Variants in ESR1 observed in about 807,000 individuals in gnomAD.
The protein encoded by ESR1 is estrogen receptor.
A neutral mutation model predicts 52.7 loss-of-function variants in ESR1; 12 were observed. The ratio of observed to expected loss-of-function variants is 0.23; its 90% CI spans 0.15 to 0.37. The LOEUF (loss-of-function observed/expected upper bound fraction) is 0.37, where lower values mean the gene tolerates loss of function less well. Ranked by LOEUF, ESR1 falls within the 10% of genes least tolerant of loss-of-function variation. The probability of loss-of-function intolerance (pLI) is 1.00; values close to 1 mark genes in which losing one functional copy is unlikely to be tolerated. For synonymous variants in ESR1, 305 were observed against 316.8 expected (o/e 0.96, Z 0.39); for missense variants, 584 against 779.7 (o/e 0.75, Z 2.99).
At chr6:152,123,650 C>T (rs902693577) in intron 6 of ESR1, among the ~76,000 whole-genome samples, 9 of 152,060 alleles carry the variant, frequency 5.9e-5, no homozygotes, top group Admixed American at 3.3e-4. Context: ...ATGTTGTTTA[C>T]GACAGGCATT....
chr6:152,049,395 G>A, intron 5 of ESR1, among the ~76,000 whole-genome samples: 1 of 152,294 alleles, frequency 6.6e-6, no homozygotes, highest in East Asian at 1.9e-4. Flanking sequence ...TGTGAAAAAA[G>A]TAAATAGCAA....
intron 2 of ESR1, among the ~76,000 whole-genome samples, chr6:151,756,864 C>T (rs973782121): frequency 6.6e-6 from 1 of 152,100 alleles, no homozygotes; most frequent in African/African-American, 2.4e-5. Flanking sequence ...GTGGTGCATG[C>T]CTGTAATCCC....
chr6:151,925,144 G>GTTTGTTTT (rs1554285747), intron 3 of ESR1, among the ~76,000 whole-genome samples: 2 of 106,520 alleles, frequency 1.9e-5, no homozygotes. Flanking sequence ...TTGTTTGTTT[G>GTTTGTTTT]TTTTTTTAGT....
chr6:151,983,143 T>A (rs1185230984), intron 4 of ESR1, among the ~76,000 whole-genome samples: 1 of 152,090 alleles, frequency 6.6e-6, no homozygotes, highest in Non-Finnish European at 1.5e-5. Context: ...AGCTTTAGAA[T>A]GACAGTTCAG....
chr6:151,671,611 T>C (rs1053805937), intron 1 of ESR1, among the ~76,000 whole-genome samples: 11 of 152,196 alleles, frequency 7.2e-5, no homozygotes, highest in Admixed American at 5.2e-4. Context: ...TGGAGACCTA[T>C]TGTGCAGCAT....
chr6:151,659,604 G>T (rs1363717324), intron 1 of ESR1, among the ~76,000 whole-genome samples: 2 of 152,140 alleles, frequency 1.3e-5, no homozygotes, highest in African/African-American at 2.4e-5. Flanking sequence ...ATGAAAGAAG[G>T]TTCCACTCCC....
At chr6:152,081,004 A>C (rs985443179) in intron 6 of ESR1, among the ~76,000 whole-genome samples, 7 of 152,114 alleles carry the variant, frequency 4.6e-5, no homozygotes, top group Non-Finnish European at 7.3e-5. Context: ...AGAGACATAG[A>C]CTCCCACACA....
intron 2 of ESR1, among the ~76,000 whole-genome samples, chr6:151,774,665 A>C (rs777349531): frequency 6.6e-6 from 1 of 152,230 alleles, no homozygotes; most frequent in Non-Finnish European, 1.5e-5. Flanking sequence ...TAGATAGTCT[A>C]TATTAAGGGA....
rs34553218 is a variant in ESR1 at position 151,749,192 on chromosome 6, C to CA, written c.-71+47203dup. ...TTGGGAAATTGCTTTTGGGAAAAGACAAAAAAAAAAAAAAAAGCTTGTGGA... is the reference window on the plus strand; with the variant it reads ...TTGGGAAATTGCTTTTGGGAAAAGACAAAAAAAAAAAAAAAAAGCTTGTGGA... On this transcript the variant is annotated intron_variant, in intron 2 of 2. Coordinates refer to the ESR1 transcript ENST00000404742. Among the ~76,000 whole-genome samples, 383 of 117,518 alleles carry CA rather than the reference C, an allele frequency of 3.3e-3. 3 individuals are homozygous for CA. In the East Asian group the frequency reaches 0.033, roughly 10 times the overall value. The allele number at this position is 117,518 out of a possible 152,430, so 77.1% of individuals were successfully genotyped here.
chr6:152,045,108 C>G (rs931002161), intron 5 of ESR1, among the ~76,000 whole-genome samples: 9 of 152,156 alleles, frequency 5.9e-5, no homozygotes, highest in Non-Finnish European at 5.9e-5. Context: ...CATGTTAACT[C>G]AGTCTTAATC....
chr6:151,879,178 A>G (rs1365211937), intron 2 of ESR1, among the ~76,000 whole-genome samples: 1 of 152,172 alleles, frequency 6.6e-6, no homozygotes, highest in Non-Finnish European at 1.5e-5. Context: ...GGCAGAAGGA[A>G]CTGGGGTGTT....
chr6:151,988,918 G>A (rs1439733448), intron 4 of ESR1, among the ~76,000 whole-genome samples: 1 of 152,018 alleles, frequency 6.6e-6, no homozygotes, highest in Non-Finnish European at 1.5e-5. Flanking sequence ...ACAAAACTGA[G>A]GACTTGGATG....
chr6:151,958,300 T>A (rs187902004), intron 4 of ESR1, among the ~76,000 whole-genome samples: 1 of 146,016 alleles, frequency 6.8e-6, no homozygotes, highest in Non-Finnish European at 1.5e-5. Context: ...AAATTCACAC[T>A]AAGGCTCTTT....
chr6:151,723,405 C>G (rs928773076), intron 2 of ESR1, among the ~76,000 whole-genome samples: 3 of 152,214 alleles, frequency 2.0e-5, no homozygotes, highest in Non-Finnish European at 2.9e-5. Context: ...CATCTTGAGG[C>G]AGAAGGGGTT....
At chr6:151,917,623 C>T (rs1428109389) in intron 3 of ESR1, among the ~76,000 whole-genome samples, 7 of 152,068 alleles carry the variant, frequency 4.6e-5, no homozygotes, top group South Asian at 4.2e-4. Context: ...TTCTGTTGCT[C>T]GGATAAGTTA....
intron 3 of ESR1, among the ~76,000 whole-genome samples, chr6:151,943,867 C>T (rs2035399030): frequency 6.6e-6 from 1 of 152,162 alleles, no homozygotes; most frequent in East Asian, 1.9e-4. Flanking sequence ...GCCTACTGTT[C>T]AATTTTCAGG....
chr6:151,850,993 A>G (rs965349677), intron 2 of ESR1, among the ~76,000 whole-genome samples: 1 of 152,170 alleles, frequency 6.6e-6, no homozygotes, highest in Admixed American at 6.5e-5. Context: ...GTGGTCATAA[A>G]GCAAATCACT....
chr6:151,869,206 C>T (rs1052395174), intron 2 of ESR1, among the ~76,000 whole-genome samples: 8 of 152,034 alleles, frequency 5.3e-5, no homozygotes, highest in Non-Finnish European at 5.9e-5. Flanking sequence ...ACTTTGGACA[C>T]CATAGTTTAG....
intron 4 of ESR1, among the ~76,000 whole-genome samples, chr6:151,946,150 T>G (rs372521726): frequency 5.9e-5 from 9 of 152,146 alleles, no homozygotes; most frequent in Admixed American, 2.0e-4. Context: ...GCCTTGTTCT[T>G]ATATTATAGG....
Sources: allele counts gnomAD v4.1 joint callset (sites outside exome capture counted in the v4.1 genomes callset), GRCh38; gene constraint gnomAD v4.1.1; transcripts MANE v1.5; gene names NCBI Gene and HGNC (gene_info 2026-07-23, HGNC 2026-07-21).